GP1BA: variants seen among roughly 807,000 people sequenced by gnomAD.
GP1BA encodes the protein glycoprotein Ib platelet subunit alpha.
In GP1BA, 3 loss-of-function variants were observed where a neutral mutation model predicts 5.6. The ratio of observed to expected loss-of-function variants is 0.53; its 90% CI spans 0.24 to 1.38. The LOEUF is 1.38. GP1BA is among the 40% of genes most tolerant of loss of function. The probability of loss-of-function intolerance (pLI) is 0.16; values close to 1 mark genes in which losing one functional copy is unlikely to be tolerated. For missense variants in GP1BA, 707 were observed against 801.4 expected, an observed-to-expected ratio of 0.88 and a Z score of 1.42; for synonymous variants, 323 against 358.3, an observed-to-expected ratio of 0.90 and a Z score of 1.11.
Position 4,934,518 on chromosome 17 carries a change from C to T in GP1BA, c.1914C>T (p.Asp638=). 1 of 1,614,014 alleles carries T rather than the reference C, an allele frequency of 6.2e-7. No homozygotes were observed. Among genetic ancestry groups the T allele is most frequent in the Non-Finnish European group, 8.5e-7 (1 of 1,179,900 alleles). Residue 638 remains aspartate (D), a synonymous_variant, in exon 2 of 2, where the codon GAC becomes GAT. Transcript: ENST00000329125. ...PSALSQGRGQ[D]LLSTVSIRYS... is the part of the protein sequence containing the mutation. ...CTCTGAGTCAGGGTCGTGGTCAGGA[C>T]CTGCTGAGCACAGTGAGCATTAGGT... is the stretch of plus-strand genomic sequence containing the variant.
rs1415168573 is a variant in GP1BA, at chr17:4,932,894, C to T, written c.290C>T (p.Thr97Ile). ...QVDGTLPVLGTLDLSHNQLQS... is the reference protein window; with the variant it reads ...QVDGTLPVLGILDLSHNQLQS... ...GATGGGACGCTGCCAGTGCTGGGGA[C>T]CCTGGATCTATCCCACAATCAGCTG... The change falls in exon 2 of 2, where the codon ACC becomes ATC. Residue 97 changes from threonine to isoleucine, a missense_variant. This residue lies in a region of GP1BA where 442 missense variants were observed against 498.8 expected (regional missense o/e 0.89). Coordinates refer to ENST00000329125, the MANE Select transcript of GP1BA (RefSeq NM_000173.7). This position sits in a 1 kb window ranked among gnomAD's most constrained non-coding sequence, Gnocchi z 4.8. 18 of 1,613,986 alleles carry T rather than the reference C, an allele frequency of 1.1e-5. No individual in the cohort carries two copies. The highest frequency in any genetic ancestry group is 1.4e-5 in the Non-Finnish European group (17 of 1,179,892).
At position 4,932,727 on chromosome 17, in the gene GP1BA, G is replaced by C; in HGVS notation, c.123G>C (p.Leu41=). The change falls in exon 2 of 2, where the codon CTG becomes CTC. Residue 41 remains leucine, a synonymous_variant. Coordinates refer to ENST00000329125, the MANE Select transcript of GP1BA (RefSeq NM_000173.7). This position sits in a 1 kb window ranked among gnomAD's most constrained non-coding sequence, Gnocchi z 4.8. ...GTGACAAGAGGAATCTGACAGCGCT[G>C]CCTCCAGACCTGCCGAAAGACACAA... ...VNCDKRNLTA[L]PPDLPKDTTI... is the part of the protein sequence containing the mutation. 6.2e-7 allele frequency: 1 copy of C among 1,613,964 alleles called. No homozygotes were observed. The highest frequency in any genetic ancestry group is 2.2e-5 in the East Asian group (1 of 44,884).
In GP1BA at chr17:4,933,555, A is replaced by T; in HGVS notation, c.951A>T (p.Lys317Asn). 6.2e-7 allele frequency: 1 copy of T among 1,613,914 alleles called. No homozygotes were observed. Among genetic ancestry groups the T allele is most frequent in the Non-Finnish European group, 8.5e-7 (1 of 1,179,850 alleles). The part of the protein sequence containing the change: ...ATRTVVKFPT[K>N]AHTTPWGLFY... ...GGACTGTGGTCAAGTTCCCCACCAAAGCCCATACAACCCCCTGGGGTCTAT... is the reference window on the plus strand; with the variant it reads ...GGACTGTGGTCAAGTTCCCCACCAATGCCCATACAACCCCCTGGGGTCTAT... The change falls in exon 2 of 2, where the codon AAA becomes AAT. Residue 317 changes from lysine to asparagine, a missense_variant. By Grantham distance (94) the Lys-to-Asn change is moderately conservative (BLOSUM62 0). This residue lies in a region of GP1BA where 442 missense variants were observed against 498.8 expected (regional missense o/e 0.89). Transcript: ENST00000329125.
Position 4,933,563 on chromosome 17 carries a change from C to T in GP1BA, c.959C>T (p.Thr320Ile), listed in dbSNP as rs1488288652. ...GTCAAGTTCCCCACCAAAGCCCATA[C>T]AACCCCCTGGGGTCTATTCTACTCA... is the stretch of plus-strand genomic sequence containing the variant. ...TVVKFPTKAH[T>I]TPWGLFYSWS... The change falls in exon 2 of 2, where the codon ACA (threonine) becomes ATA (isoleucine). Residue 320 changes from threonine to isoleucine, a missense_variant. Thr to Ile is a moderately conservative substitution (Grantham distance 89). Transcript: ENST00000329125. The T allele has an allele frequency of 3.1e-6, 5 of 1,613,814 alleles. No homozygotes were observed. The highest frequency in any genetic ancestry group is 4.2e-6 in the Non-Finnish European group (5 of 1,179,868).
Position 4,932,335 on chromosome 17 carries a change from T to C in GP1BA, c.-37T>C. 1.1e-5 allele frequency: 15 copies of C among 1,335,336 alleles called. No individual in the cohort carries two copies. The highest frequency in any genetic ancestry group is 1.4e-5 in the Non-Finnish European group (15 of 1,038,380). The allele number at this position is 1,335,336 out of a possible 1,614,324, so 82.7% of individuals were successfully genotyped here. Reference sequence around the variant, plus strand: ...AGTCGAGTGGCACCCTAGAAGACGCTCTGTGCCTTCGGAGGTCTTTCTGCC... The same window carrying C: ...AGTCGAGTGGCACCCTAGAAGACGCCCTGTGCCTTCGGAGGTCTTTCTGCC... On this transcript the variant is annotated 5_prime_UTR_variant, in exon 1 of 2. Coordinates refer to ENST00000329125, the MANE Select transcript of GP1BA (RefSeq NM_000173.7). The surrounding 1 kb of genome is among the most constrained non-coding windows in gnomAD (Gnocchi z 4.8).
rs1597638379 is a variant in GP1BA, at chr17:4,932,751, AAC to A, written c.148_149del (p.Thr50HisfsTer6). On this transcript the variant is annotated frameshift_variant, in exon 2 of 2. Transcript: ENST00000329125. LOFTEE classifies it low-confidence loss of function (END_TRUNC). This position sits in a 1 kb window ranked among gnomAD's most constrained non-coding sequence, Gnocchi z 4.8. ...ALPPDLPKDT[T>X]ILHLSENLLY... Reference sequence around the variant, plus strand: ...TGCCTCCAGACCTGCCGAAAGACACAACCATCCTCCACCTGAGTGAGAACCTC... The same window carrying A: ...TGCCTCCAGACCTGCCGAAAGACACACATCCTCCACCTGAGTGAGAACCTC... 2 of 1,613,938 alleles carry A rather than the reference AAC, an allele frequency of 1.2e-6. No individual in the cohort carries two copies. The highest frequency in any genetic ancestry group is 2.2e-5 in the South Asian group (2 of 91,088).
chr17:4,932,601 C>T lies in GP1BA; in HGVS notation c.-4C>T, dbSNP rs1970357155. The T allele has an allele frequency of 1.9e-6, 3 of 1,611,922 alleles. No homozygotes were observed. The East Asian group carries it at 6.7e-5, about 36-fold the overall frequency. On this transcript the variant is annotated splice_region_variant and 5_prime_UTR_variant, in exon 2 of 2. Transcript: ENST00000329125. This position sits in a 1 kb window ranked among gnomAD's most constrained non-coding sequence, Gnocchi z 4.8. Reference sequence around the variant, plus strand: ...ACTCAAGGCTCCCTTGCCCACAGGTCCTCATGCCTCTCCTCCTCTTGCTGC... The same window carrying T: ...ACTCAAGGCTCCCTTGCCCACAGGTTCTCATGCCTCTCCTCCTCTTGCTGC...
rs756551644 is a variant in GP1BA, at chr17:4,933,634, C to G, written c.1030C>G (p.Pro344Ala). Residue 344 changes from proline to alanine, a missense_variant, in exon 2 of 2, where the codon CCA becomes GCA. Coordinates refer to ENST00000329125, the MANE Select transcript of GP1BA (RefSeq NM_000173.7). ...CAGCCAAATGCCCTCCTCCTTGCAT[C>G]CAACACAAGAATCCACTAAGGAGCA... Reference protein sequence around the residue: ...LDSQMPSSLHPTQESTKEQTT... With the variant: ...LDSQMPSSLHATQESTKEQTT... The G allele has an allele frequency of 6.2e-7, 1 of 1,613,800 alleles. No individual in the cohort carries two copies. Among genetic ancestry groups the G allele is most frequent in the Non-Finnish European group, 8.5e-7 (1 of 1,179,844 alleles).
At position 4,932,484 on chromosome 17, in the gene GP1BA, C is replaced by T; in HGVS notation, c.-6-115C>T. On this transcript the variant is annotated intron_variant, in intron 1 of 1. Transcript: ENST00000329125. The surrounding 1 kb of genome is among the most constrained non-coding windows in gnomAD (Gnocchi z 4.8). Reference sequence around the variant, plus strand: ...GGGTGGGAGATGGGAGTAGGGAGGACAGGAGGTGTGGATGCTGTTTCTGGA... The same window carrying T: ...GGGTGGGAGATGGGAGTAGGGAGGATAGGAGGTGTGGATGCTGTTTCTGGA... 1 of 1,275,336 alleles carries T rather than the reference C, an allele frequency of 7.8e-7. No individual in the cohort carries two copies. Among genetic ancestry groups the T allele is most frequent in the South Asian group, 1.5e-5 (1 of 65,528 alleles). The allele number at this position is 1,275,336 out of a possible 1,614,324, so 79.0% of individuals were successfully genotyped here.
In GP1BA at chr17:4,934,787, G is replaced by A. The variant is rs1025293968; in HGVS notation, c.*224G>A. ...GGCGGGGGGACAAGACAAAGCTCCC[G>A]ATGCTGCATGGGGCGCTGCCAGATC... On this transcript the variant is annotated 3_prime_UTR_variant, in exon 2 of 2. Transcript: ENST00000329125. 49 of 606,960 alleles carry A rather than the reference G, an allele frequency of 8.1e-5. No individual in the cohort carries two copies. The Admixed American group carries it at 8.3e-4, about 10-fold the overall frequency. 37.6% of individuals were successfully genotyped at this position (606,960 alleles called of 1,614,324 possible). A position where few individuals can be genotyped will look rare whatever the true frequency, so the allele number is the denominator to read the frequency against.
chr17:4,932,542 TGGG>T lies in GP1BA; in HGVS notation c.-6-53_-6-51del. The T allele has an allele frequency of 8.7e-7, 1 of 1,147,198 alleles. No homozygotes were observed. Among genetic ancestry groups the T allele is most frequent in the Middle Eastern group, 2.7e-4 (1 of 3,720 alleles). The allele number at this position is 1,147,198 out of a possible 1,614,324, so 71.1% of individuals were successfully genotyped here. On this transcript the variant is annotated intron_variant, in intron 1 of 1. Transcript: ENST00000329125. This position sits in a 1 kb window ranked among gnomAD's most constrained non-coding sequence, Gnocchi z 4.8. The stretch of plus-strand genomic sequence containing the variant: ...CTGCAGGGGGAAGGGGGCTGGGGCC[TGGG>T]GGGATGCTTCCAGGGGATGCAGGGG...
Position 4,933,378 on chromosome 17 carries a change from C to T in GP1BA, c.774C>T (p.Asn258=), listed in dbSNP as rs6066. The T allele has an allele frequency of 0.032, 51,010 of 1,613,822 alleles. 1,000 individuals carry two copies. Among genetic ancestry groups the T allele is most frequent in the Non-Finnish European group, 0.039 (45,820 of 1,179,744 alleles). Residue 258 remains asparagine, a synonymous_variant, in exon 2 of 2, where the codon AAC becomes AAT. Transcript: ENST00000329125. ...QGVDVKAMTS[N]VASVQCDNSD... ...TGGACGTCAAGGCCATGACCTCTAA[C>T]GTGGCCAGTGTGCAGTGTGACAATT...
In GP1BA at chr17:4,932,834, A is replaced by C. The variant is rs1319946411; in HGVS notation, c.230A>C (p.Asn77Thr). The C allele has an allele frequency of 2.5e-6, 4 of 1,614,000 alleles. No homozygotes were observed. Among genetic ancestry groups the C allele is most frequent in the Non-Finnish European group, 3.4e-6 (4 of 1,179,886 alleles). ...LMPYTRLTQL[N>T]LDRCELTKLQ... Reference sequence around the variant, plus strand: ...CCTTACACTCGCCTCACTCAGCTGAACCTAGATAGGTGCGAGCTCACCAAG... The same window carrying C: ...CCTTACACTCGCCTCACTCAGCTGACCCTAGATAGGTGCGAGCTCACCAAG... The change falls in exon 2 of 2, where the codon AAC (asparagine) becomes ACC (threonine). Residue 77 changes from asparagine to threonine, a missense_variant. Coordinates refer to ENST00000329125, the MANE Select transcript of GP1BA (RefSeq NM_000173.7). The surrounding 1 kb of genome is among the most constrained non-coding windows in gnomAD (Gnocchi z 4.8).
Position 4,933,179 on chromosome 17 carries a change from C to G in GP1BA, c.575C>G (p.Thr192Ser), listed in dbSNP as rs745992314. 1.2e-6 allele frequency: 2 copies of G among 1,613,998 alleles called. No homozygotes were observed. Among genetic ancestry groups the G allele is most frequent in the East Asian group, 2.2e-5 (1 of 44,890 alleles). The change falls in exon 2 of 2, where the codon ACC becomes AGC. Residue 192 changes from threonine to serine, a missense_variant. Around this residue, in one of 3 missense-constraint regions of GP1BA, gnomAD observed 442 missense variants for 498.8 expected, o/e 0.89. Transcript: ENST00000329125. ...CTGAATGGGCTGGAGAATCTCGACA[C>G]CCTTCTCCTCCAAGAGAACTCGCTG... The part of the protein sequence containing the change: ...GLLNGLENLD[T>S]LLLQENSLYT...
chr17:4,934,508 G>C lies in GP1BA; in HGVS notation c.1904G>C (p.Arg635Pro). The change falls in exon 2 of 2, where the codon CGT becomes CCT. Residue 635 changes from arginine to proline, a missense_variant. Coordinates refer to ENST00000329125, the MANE Select transcript of GP1BA (RefSeq NM_000173.7). ...AGGCCCTCAGCTCTGAGTCAGGGTC[G>C]TGGTCAGGACCTGCTGAGCACAGTG... ...GRRPSALSQG[R>P]GQDLLSTVSI... 6.2e-7 allele frequency: 1 copy of C among 1,614,024 alleles called. No homozygotes were observed. Among genetic ancestry groups the C allele is most frequent in the South Asian group, 1.1e-5 (1 of 91,086 alleles).
rs1303708083 is a variant in GP1BA, at chr17:4,932,660, T to A, written c.56T>A (p.Ile19Asn). 1 of 1,613,806 alleles carries A rather than the reference T, an allele frequency of 6.2e-7. No individual in the cohort carries two copies. Among genetic ancestry groups the A allele is most frequent in the Admixed American group, 1.7e-5 (1 of 60,002 alleles). ...CCAAGCCCCTTACACCCCCACCCCA[T>A]CTGTGAGGTCTCCAAAGTGGCCAGC... is the stretch of plus-strand genomic sequence containing the variant. The part of the protein sequence containing the change: ...LLPSPLHPHP[I>N]CEVSKVASHL... The change falls in exon 2 of 2, where the codon ATC (isoleucine) becomes AAC (asparagine). Residue 19 changes from isoleucine (I) to asparagine (N), a missense_variant. Ile to Asn is a moderately radical substitution (Grantham distance 149). Around this residue, in one of 3 missense-constraint regions of GP1BA, gnomAD observed 442 missense variants for 498.8 expected, o/e 0.89. Transcript: ENST00000329125. This position sits in a 1 kb window ranked among gnomAD's most constrained non-coding sequence, Gnocchi z 4.8.
In GP1BA at chr17:4,933,972, G is replaced by A. The variant is rs529553767; in HGVS notation, c.1368G>A (p.Pro456=). Residue 456 remains proline (P), a synonymous_variant, in exon 2 of 2, where the codon CCG becomes CCA. Transcript: ENST00000329125. ...CCACCCCGGAGCCCACCCCAATCCC[G>A]ACCATCGCCACAAGCCCGACCATCC... ...SPTTPEPTPI[P]TIATSPTILV... 4.4e-5 allele frequency: 68 copies of A among 1,539,558 alleles called. No individual in the cohort carries two copies. Among genetic ancestry groups the A allele is most frequent in the East Asian group, 2.6e-4 (10 of 38,934 alleles).
In GP1BA at chr17:4,932,501, G is replaced by A; in HGVS notation, c.-6-98G>A. The stretch of plus-strand genomic sequence containing the variant: ...AGGGAGGACAGGAGGTGTGGATGCT[G>A]TTTCTGGAAGCGAAGCTGCAGGGGG... On this transcript the variant is annotated intron_variant, in intron 1 of 1. Coordinates refer to ENST00000329125, the MANE Select transcript of GP1BA (RefSeq NM_000173.7). The surrounding 1 kb of genome is among the most constrained non-coding windows in gnomAD (Gnocchi z 4.8). 2 of 1,243,874 alleles carry A rather than the reference G, an allele frequency of 1.6e-6. No individual in the cohort carries two copies. Among genetic ancestry groups the A allele is most frequent in the Non-Finnish European group, 1.1e-6 (1 of 923,596 alleles). The allele number at this position is 1,243,874 out of a possible 1,614,324, so 77.1% of individuals were successfully genotyped here.
In GP1BA at chr17:4,933,458, A is replaced by C. The variant is rs200885748; in HGVS notation, c.854A>C (p.Asp285Ala). 3.7e-5 allele frequency: 59 copies of C among 1,613,948 alleles called. 1 individual carries two copies. In the African/African-American group the frequency reaches 7.7e-4, roughly 21 times the overall value. The change falls in exon 2 of 2, where the codon GAT (aspartate) becomes GCT (alanine). Residue 285 changes from aspartate (D) to alanine (A), a missense_variant. By Grantham distance (126) the Asp-to-Ala change is moderately radical. Around this residue, in one of 3 missense-constraint regions of GP1BA, gnomAD observed 442 missense variants for 498.8 expected, o/e 0.89. Coordinates refer to ENST00000329125, the MANE Select transcript of GP1BA (RefSeq NM_000173.7). ...YPGKGCPTLG[D>A]EGDTDLYDYY... ...GGAAAGGGGTGCCCCACCCTTGGTGATGAAGGTGACACAGACCTATATGAT... is the reference window on the plus strand; with the variant it reads ...GGAAAGGGGTGCCCCACCCTTGGTGCTGAAGGTGACACAGACCTATATGAT...
Sources: gnomAD v4.1 joint callset for allele counts on GRCh38, gnomAD v4.1.1 for gene constraint, gnomAD v4.1.1 regional missense constraint, Gnocchi (gnomAD v3.1) non-coding constraint, MANE v1.5 for transcripts, NCBI Gene and HGNC (gene_info 2026-07-23, HGNC 2026-07-21) for gene names.